The following CUX1 variants were observed in gnomAD, a reference collection of about 807,000 sequenced individuals.
CUX1 encodes cut like homeobox 1.
A neutral mutation model predicts 158.8 loss-of-function variants in CUX1; 31 were observed. That is an observed-to-expected ratio of 0.20 (90% CI 0.15 to 0.26). The LOEUF (loss-of-function observed/expected upper bound fraction) is 0.26. Ranked by LOEUF, CUX1 falls within the 10% of genes least tolerant of loss-of-function variation. The pLI is 1.00. For synonymous variants in CUX1, 879 were observed against 862.1 expected (o/e 1.02, Z -0.34); for missense variants, 1,589 against 2,014.6 (o/e 0.79, Z 4.04).
At chr7:102,140,687 C>A (rs540968262) in intron 8 of CUX1, among the ~76,000 whole-genome samples, 1 of 151,942 alleles carries the variant, frequency 6.6e-6, no homozygotes, top group Non-Finnish European at 1.5e-5. Context: ...TGGTGAAACC[C>A]CGTCTCTACT....
intron 4 of CUX1, among the ~76,000 whole-genome samples, chr7:102,091,196 T>C (rs1828548661): frequency 6.6e-6 from 1 of 152,234 alleles, no homozygotes; most frequent in Admixed American, 6.5e-5. Context: ...CCACATTTAT[T>C]GCAACAACTT....
At chr7:102,039,811 C>A (rs754527533) in intron 3 of CUX1, among the ~76,000 whole-genome samples, 1 of 152,104 alleles carries the variant, frequency 6.6e-6, no homozygotes, top group Non-Finnish European at 1.5e-5. Flanking sequence ...TGTGTCCATG[C>A]GCTTTGCTAC....
intron 1 of CUX1, among the ~76,000 whole-genome samples, chr7:101,849,693 C>T (rs1375831170): frequency 6.6e-6 from 1 of 152,116 alleles, no homozygotes; most frequent in Non-Finnish European, 1.5e-5. Flanking sequence ...TGGGCCTATA[C>T]TCAGTCATGA....
intron 1 of CUX1, among the ~76,000 whole-genome samples, chr7:101,845,075 C>T (rs1795546130): frequency 1.3e-5 from 2 of 151,980 alleles, no homozygotes; most frequent in Non-Finnish European, 2.9e-5. Context: ...TATTTTCTCT[C>T]CTCTCTTTAT....
upstream of CUX1, chr7:101,817,547 CG>C: frequency 7.8e-7 from 1 of 1,280,220 alleles, no homozygotes; most frequent in Non-Finnish European, 9.9e-7. The surrounding 1 kb of genome is among the most constrained non-coding windows in gnomAD (Gnocchi z 4.1). Context: ...TGCCACCCCC[CG>C]CCCGGAGGAG....
At chr7:102,218,636 C>T (rs980337438) in intron 20 of CUX1, among the ~76,000 whole-genome samples, 15 of 151,632 alleles carry the variant, frequency 9.9e-5, no homozygotes, top group African/African-American at 3.4e-4. Context: ...TGCAGTGAGC[C>T]GTGATTACGC....
At chr7:102,151,109 T>C (rs1835602621) in intron 8 of CUX1, among the ~76,000 whole-genome samples, 1 of 152,232 alleles carries the variant, frequency 6.6e-6, no homozygotes, top group South Asian at 2.1e-4. Flanking sequence ...CCACATGCCA[T>C]TTAATTCATT....
rs1554512865 is a variant in CUX1 at position 102,178,617 on chromosome 7, A to G, written c.977A>G (p.Gln326Arg). ...GAGAATTCGGCCAGCCAGATCTCACAGCTTGAGCAGCAGCTGAGCGCCAAA... is the reference window on the plus strand; with the variant it reads ...GAGAATTCGGCCAGCCAGATCTCACGGCTTGAGCAGCAGCTGAGCGCCAAA... The part of the protein sequence containing the change: ...LRENSASQIS[Q>R]LEQQLSAKNS... The change falls in exon 11 of 24, where the codon CAG (glutamine) becomes CGG (arginine). Residue 326 changes from glutamine to arginine, a missense_variant. Gln to Arg is a conservative substitution (Grantham distance 43, BLOSUM62 1). This residue lies in a region of CUX1 where 515 missense variants were observed against 574.4 expected (regional missense o/e 0.90). Coordinates refer to ENST00000292535, the MANE Select transcript of CUX1 (RefSeq NM_181552.4). The G allele has an allele frequency of 1.9e-6, 3 of 1,611,200 alleles. No individual in the cohort carries two copies. In the East Asian group the frequency reaches 6.7e-5, roughly 36 times the overall value.
chr7:101,966,718 A>G (rs927856226), intron 2 of CUX1, among the ~76,000 whole-genome samples: 4 of 152,240 alleles, frequency 2.6e-5, no homozygotes, highest in African/African-American at 9.6e-5. Flanking sequence ...TGCAGGGAAC[A>G]TCAGAGGTGT....
intron 8 of CUX1, among the ~76,000 whole-genome samples, chr7:102,147,733 A>C (rs1554502494): frequency 6.6e-6 from 1 of 152,196 alleles, no homozygotes; most frequent in African/African-American, 2.4e-5. Context: ...GCGGTGGCTC[A>C]TATCTGTCAT....
intron 22 of CUX1, among the ~76,000 whole-genome samples, chr7:102,238,385 C>T (rs1008838478): frequency 1.1e-4 from 16 of 152,224 alleles, no homozygotes; most frequent in African/African-American, 3.4e-4. Context: ...AAGGCTCGCA[C>T]TCTTGTCTTC....
chr7:102,257,993 T>C lies in CUX1; in HGVS notation c.*8951T>C. ...TAACATTTTATTTCTTGCTATTTGT[T>C]TTTCTACATTAAGAGTCAAAGTTGA... On this transcript the variant is annotated 3_prime_UTR_variant, in exon 24 of 24. Coordinates refer to ENST00000292535, the MANE Select transcript of CUX1 (RefSeq NM_181552.4). The C allele has an allele frequency of 4.1e-6, 4 of 984,976 alleles. No individual in the cohort carries two copies. The highest frequency in any genetic ancestry group is 4.8e-6 in the Non-Finnish European group (4 of 829,828). The allele number at this position is 984,976 out of a possible 1,614,324, so 61.0% of individuals were successfully genotyped here.
chr7:102,229,975 G>C (rs1798790172), intron 21 of CUX1, among the ~76,000 whole-genome samples: 1 of 152,160 alleles, frequency 6.6e-6, no homozygotes, highest in Non-Finnish European at 1.5e-5. Context: ...TGTTAACCAG[G>C]CAGGGTTCCC....
Position 102,092,706 on chromosome 7 carries a change from G to T in CUX1, c.269-4658G>T, listed in dbSNP as rs186190192. On this transcript the variant is annotated intron_variant, in intron 4 of 23. Transcript: ENST00000292535. Reference sequence around the variant, plus strand: ...GTGAGCAGATTGCTTGAGGCCGGGGGTTGAAGACCAGCCTGGGCAATGGGG... The same window carrying T: ...GTGAGCAGATTGCTTGAGGCCGGGGTTTGAAGACCAGCCTGGGCAATGGGG... Among the ~76,000 whole-genome samples, 904 of 152,170 alleles carry T rather than the reference G, an allele frequency of 5.9e-3. 10 individuals are homozygous for T. Among genetic ancestry groups the T allele is most frequent in the African/African-American group, 0.021 (867 of 41,512 alleles).
intron 2 of CUX1, among the ~76,000 whole-genome samples, chr7:101,929,900 G>A (rs986531480): frequency 6.6e-6 from 1 of 152,100 alleles, no homozygotes; most frequent in African/African-American, 2.4e-5. Context: ...GGAGTACAGT[G>A]GCCTGATCTC....
At chr7:102,155,009 G>A (rs1836109779) in intron 8 of CUX1, among the ~76,000 whole-genome samples, 1 of 152,178 alleles carries the variant, frequency 6.6e-6, no homozygotes, top group Non-Finnish European at 1.5e-5. Context: ...CTTGTTGTGG[G>A]TACGCAGCAG....
intron 23 of CUX1, among the ~76,000 whole-genome samples, chr7:102,242,275 G>A (rs959298059): frequency 1.3e-4 from 18 of 133,940 alleles, no homozygotes; most frequent in East Asian, 5.2e-4. Flanking sequence ...ACAGCAGCAC[G>A]ATCTCGGCTC....
intron 8 of CUX1, among the ~76,000 whole-genome samples, chr7:102,157,775 AAAAC>A (rs1409359095): frequency 1.3e-5 from 2 of 152,170 alleles, no homozygotes; most frequent in East Asian, 1.9e-4. Flanking sequence ...GCTCTGTCTC[AAAAC>A]AAACAAACAT....
chr7:101,959,875 C>T (rs1285852132), intron 2 of CUX1, among the ~76,000 whole-genome samples: 1 of 152,142 alleles, frequency 6.6e-6, no homozygotes, highest in Non-Finnish European at 1.5e-5. Context: ...ACATGTTTGA[C>T]TCTTTATAGG....
Sources: allele counts gnomAD v4.1 joint callset (sites outside exome capture counted in the v4.1 genomes callset), GRCh38; gene constraint gnomAD v4.1.1; regional missense constraint gnomAD v4.1.1; non-coding constraint Gnocchi (gnomAD v3.1); transcripts MANE v1.5; gene names NCBI Gene and HGNC (gene_info 2026-07-23, HGNC 2026-07-21).